GCLC: variants seen among roughly 807,000 people sequenced by gnomAD.
GCLC encodes the protein glutamate-cysteine ligase catalytic subunit.
In GCLC, 30 loss-of-function variants were observed where a neutral mutation model predicts 81.5. That is an observed-to-expected ratio of 0.37 (90% CI 0.28 to 0.50). The LOEUF is 0.50. Among genes scored for constraint, GCLC ranks in the 20% least tolerant of loss-of-function variants. The pLI is 0.96. For missense variants in GCLC, 556 were observed against 777.4 expected, an observed-to-expected ratio of 0.72 and a Z score of 3.39; for synonymous variants, 262 against 273.3, an observed-to-expected ratio of 0.96 and a Z score of 0.41.
chr6:53,505,178 G>A (rs992626804), intron 12 of GCLC: 4 of 523,024 alleles, frequency 7.6e-6, no homozygotes, highest in African/African-American at 5.8e-5. Flanking sequence ...TCAATGTGTA[G>A]GACTACTTCT....
chr6:53,541,353 T>C (rs1018669917), intron 1 of GCLC, among the ~76,000 whole-genome samples: 3 of 152,146 alleles, frequency 2.0e-5, no homozygotes, highest in Admixed American at 6.5e-5. Context: ...GAGGAAAAAG[T>C]AGAGTGGGGC....
intron 1 of GCLC, among the ~76,000 whole-genome samples, chr6:53,544,211 C>T (rs1249085457): frequency 6.6e-6 from 1 of 152,226 alleles, no homozygotes; most frequent in East Asian, 1.9e-4. Context: ...CCTAATGTCA[C>T]TTTTTCATGC....
intron 3 of GCLC, among the ~76,000 whole-genome samples, chr6:53,517,078 A>ATTTTTTT (rs1242492685): frequency 4.6e-4 from 48 of 105,230 alleles, no homozygotes; most frequent in Non-Finnish European, 7.3e-4. Context: ...TTTAAAAAAA[A>ATTTTTTT]ATTTTTTTTT....
rs941951959 is a variant in GCLC at position 53,513,803 on chromosome 6, T to C, written c.753+401A>G. 2.4e-5 allele frequency: 5 copies of C among 211,500 alleles called. No homozygotes were observed. In the Admixed American group the frequency reaches 2.6e-4, roughly 11 times the overall value. The allele number at this position is 211,500 out of a possible 1,614,324, so 13.1% of individuals were successfully genotyped here. ...TGCACAAATCCCTTGGATCACAAAA[T>C]CATTGGAATACTTCCATCAGAGCTC... On this transcript the variant is annotated intron_variant, in intron 6 of 15. Transcript: ENST00000650454.
chr6:53,536,131 C>T (rs960837500), intron 1 of GCLC, among the ~76,000 whole-genome samples: 7 of 152,128 alleles, frequency 4.6e-5, no homozygotes, highest in African/African-American at 1.7e-4. Flanking sequence ...CATGTAACAA[C>T]ATGGATGGAT....
chr6:53,527,442 T>A (rs1433655477), intron 1 of GCLC, among the ~76,000 whole-genome samples: 1 of 152,234 alleles, frequency 6.6e-6, no homozygotes, highest in Non-Finnish European at 1.5e-5. Context: ...TTAGAGTTGA[T>A]GACTACTCAG....
intron 6 of GCLC, among the ~76,000 whole-genome samples, chr6:53,510,723 T>C (rs2127621869): frequency 6.6e-6 from 1 of 152,316 alleles, no homozygotes; most frequent in South Asian, 2.1e-4. Flanking sequence ...TTAGTTCCAA[T>C]GGTTTTAGCT....
chr6:53,533,590 C>T (rs563770292), intron 1 of GCLC, among the ~76,000 whole-genome samples: 1 of 152,204 alleles, frequency 6.6e-6, no homozygotes, highest in South Asian at 2.1e-4. Context: ...AATTCTACCA[C>T]TTCTGGTAGA....
intron 3 of GCLC, 117 bp from the exon 4 acceptor site, chr6:53,516,339 G>C: frequency 5.5e-6 from 4 of 723,764 alleles, no homozygotes; most frequent in Non-Finnish European, 1.0e-5. Context: ...CCTTTTCAGA[G>C]GGCTTTGTGT....
At chr6:53,536,096 G>A (rs1364796930) in intron 1 of GCLC, among the ~76,000 whole-genome samples, 7 of 152,130 alleles carry the variant, frequency 4.6e-5, no homozygotes, top group Admixed American at 1.3e-4. Flanking sequence ...ATTACTCAGC[G>A]ACGAAAAGGA....
chr6:53,498,437 A>G lies in GCLC; in HGVS notation c.*319T>C, dbSNP rs1764419506. The stretch of plus-strand genomic sequence containing the variant: ...TAACTCTGGAATGCAAGTATTGTAC[A>G]ATTACCAGTACATTTACAAAACTGC... On this transcript the variant is annotated 3_prime_UTR_variant, in exon 16 of 16. Transcript: ENST00000650454. 2 of 297,956 alleles carry G rather than the reference A, an allele frequency of 6.7e-6. No individual in the cohort carries two copies. The highest frequency in any genetic ancestry group is 4.3e-5 in the African/African-American group (2 of 46,180). The allele number at this position is 297,956 out of a possible 1,614,324, so 18.5% of individuals were successfully genotyped here. A position where few individuals can be genotyped will look rare whatever the true frequency, so the allele number is the denominator to read the frequency against.
rs999496428 is a variant in GCLC, at chr6:53,497,532, C to A, written c.*1224G>T. 8 of 152,410 alleles carry A rather than the reference C, an allele frequency of 5.2e-5. No individual in the cohort carries two copies. Among genetic ancestry groups the A allele is most frequent in the African/African-American group, 1.4e-4 (6 of 41,394 alleles). The allele number at this position is 152,410 out of a possible 1,614,324, so 9.4% of individuals were successfully genotyped here. A position where few individuals can be genotyped will look rare whatever the true frequency, so the allele number is the denominator to read the frequency against. On this transcript the variant is annotated 3_prime_UTR_variant, in exon 16 of 16. Transcript: ENST00000650454. The stretch of plus-strand genomic sequence containing the variant: ...TAAACATAAACAGGGTTAGCTGAAG[C>A]AGCTTTATTGCAATCTCTTCAAGTT...
intron 1 of GCLC, among the ~76,000 whole-genome samples, chr6:53,527,142 T>C (rs903113599): frequency 2.0e-5 from 3 of 152,090 alleles, no homozygotes; most frequent in Non-Finnish European, 4.4e-5. Context: ...CCTTACACCC[T>C]GGGAAGGATC....
At chr6:53,518,153 T>C (rs992708266) in intron 3 of GCLC, among the ~76,000 whole-genome samples, 5 of 152,208 alleles carry the variant, frequency 3.3e-5, no homozygotes, top group Admixed American at 6.5e-5. Flanking sequence ...AAATTATACA[T>C]ATAATTTTTT....
intron 4 of GCLC, among the ~76,000 whole-genome samples, chr6:53,515,644 A>G (rs549994052): frequency 6.6e-6 from 1 of 152,302 alleles, no homozygotes; most frequent in Admixed American, 6.5e-5. Context: ...CAACAAACCA[A>G]CAGAACTTGA....
At chr6:53,501,785 G>A (rs1764518508) in intron 12 of GCLC, among the ~76,000 whole-genome samples, 1 of 152,040 alleles carries the variant, frequency 6.6e-6, no homozygotes, top group South Asian at 2.1e-4. Context: ...ATTAATATTT[G>A]TTTCTTTTTT....
chr6:53,499,515 A>G (rs1007338396), intron 15 of GCLC, among the ~76,000 whole-genome samples: 1 of 152,160 alleles, frequency 6.6e-6, no homozygotes, highest in African/African-American at 2.4e-5. Flanking sequence ...TTAAATACAG[A>G]TGCCATTACC....
intron 4 of GCLC, among the ~76,000 whole-genome samples, chr6:53,515,261 G>A (rs771765315): frequency 2.8e-4 from 43 of 152,286 alleles, no homozygotes; most frequent in Non-Finnish European, 4.9e-4. Flanking sequence ...CAGCTTAAAT[G>A]CCACCTCTTC....
chr6:53,500,887 C>T (rs1014408488), intron 12 of GCLC: 4 of 339,994 alleles, frequency 1.2e-5, no homozygotes, highest in South Asian at 5.1e-5. Flanking sequence ...CCCAGGGTAA[C>T]GAAGGCAGAA....
Sources: gnomAD v4.1 joint callset for allele counts (sites outside exome capture counted in the v4.1 genomes callset) on GRCh38, gnomAD v4.1.1 for gene constraint, MANE v1.5 for transcripts, NCBI Gene and HGNC (gene_info 2026-07-23, HGNC 2026-07-21) for gene names.